Variants in ST7 observed in about 807,000 individuals in gnomAD.
The protein encoded by ST7 is suppression of tumorigenicity 7.
Under a neutral mutation model 78.7 loss-of-function variants are expected in ST7, and 28 were observed. The ratio of observed to expected loss-of-function variants is 0.36; its 90% confidence interval spans 0.26 to 0.49. ST7 has a LOEUF of 0.49. Among genes scored for constraint, ST7 ranks in the 20% least tolerant of loss-of-function variants. The pLI is 0.99. For missense variants in ST7, 418 were observed against 696.0 expected (o/e 0.60, Z 4.49); for synonymous variants, 247 against 249.6 (o/e 0.99, Z 0.10).
At chr7:117,102,675 A>T (rs1168371049) in intron 2 of ST7, among the ~76,000 whole-genome samples, 2 of 152,222 alleles carry the variant, frequency 1.3e-5, no homozygotes, top group Non-Finnish European at 2.9e-5. Flanking sequence ...ATTACATGAT[A>T]TCCAGAGAGG....
At chr7:117,136,672 T>C (rs12706144) in intron 8 of ST7, 39,688 of 194,432 alleles carry the variant, frequency 0.2, 4,475 homozygotes, top group Middle Eastern at 0.27. Context: ...GAATATAAGT[T>C]ATTGGTGATT....
At chr7:117,123,091 T>C (rs1303350634) in intron 3 of ST7, among the ~76,000 whole-genome samples, 1 of 152,158 alleles carries the variant, frequency 6.6e-6, no homozygotes, top group Non-Finnish European at 1.5e-5. Context: ...GGCCCTTTGC[T>C]GAATTGTACA....
intron 3 of ST7, among the ~76,000 whole-genome samples, chr7:117,123,707 G>C (rs906770144): frequency 6.6e-6 from 1 of 152,056 alleles, no homozygotes; most frequent in African/African-American, 2.4e-5. Flanking sequence ...ATTTAAAAGG[G>C]CCCAGTAACA....
chr7:117,138,908 A>G (rs890461082), intron 9 of ST7, among the ~76,000 whole-genome samples: 1 of 152,220 alleles, frequency 6.6e-6, no homozygotes, highest in Non-Finnish European at 1.5e-5. Flanking sequence ...GCCAATAATG[A>G]GACCAGCCAT....
intron 15 of ST7, among the ~76,000 whole-genome samples, 175 bp from the exon 16 acceptor site, chr7:117,229,587 T>C (rs1387237610): frequency 6.6e-6 from 1 of 152,228 alleles, no homozygotes; most frequent in Non-Finnish European, 1.5e-5. Flanking sequence ...GGCCAAGGAC[T>C]GGAATGCAGG....
At chr7:117,207,256 G>A (rs1241947988) in intron 12 of ST7, among the ~76,000 whole-genome samples, 1 of 151,566 alleles carries the variant, frequency 6.6e-6, no homozygotes, top group East Asian at 1.9e-4. Flanking sequence ...ACAATTCTCT[G>A]CCTTAGCCTC....
chr7:117,122,007 G>C (rs1018555232), intron 3 of ST7, among the ~76,000 whole-genome samples: 2 of 152,024 alleles, frequency 1.3e-5, no homozygotes, highest in African/African-American at 4.8e-5. Flanking sequence ...ATGCAATTTT[G>C]TAAGTGTTGC....
chr7:117,092,990 A>G (rs985081119), intron 1 of ST7, among the ~76,000 whole-genome samples: 2 of 152,160 alleles, frequency 1.3e-5, no homozygotes, highest in African/African-American at 4.8e-5. Context: ...AAGAAAAGGA[A>G]TAAACAGGAT....
chr7:117,191,426 A>G (rs1809768433), intron 12 of ST7, among the ~76,000 whole-genome samples: 1 of 152,218 alleles, frequency 6.6e-6, no homozygotes, highest in Admixed American at 6.5e-5. Context: ...GCTTTGTACC[A>G]TTTTAATAAG....
At chr7:117,009,857 G>GT (rs1368621471) in intron 1 of ST7, among the ~76,000 whole-genome samples, 1 of 152,076 alleles carries the variant, frequency 6.6e-6, no homozygotes, top group Non-Finnish European at 1.5e-5. Flanking sequence ...TGAGGCCACT[G>GT]TAAGAAGGGA....
intron 1 of ST7, among the ~76,000 whole-genome samples, chr7:117,088,129 C>G (rs1485837074): frequency 6.6e-6 from 1 of 152,104 alleles, no homozygotes; most frequent in Non-Finnish European, 1.5e-5. Flanking sequence ...CCTCTCTAAT[C>G]TCATGTTCAA....
intron 1 of ST7, among the ~76,000 whole-genome samples, chr7:116,957,682 T>A (rs975126039): frequency 6.6e-6 from 1 of 152,246 alleles, no homozygotes; most frequent in Non-Finnish European, 1.5e-5. Flanking sequence ...GGCAGAAAAT[T>A]AATTGTAGAT....
In ST7 at chr7:117,186,136, A is replaced by G. The variant is rs1218357488; in HGVS notation, c.1079-3185A>G. On this transcript the variant is annotated intron_variant, in intron 10 of 15. Coordinates refer to ENST00000323984, the MANE Select transcript of ST7 (RefSeq NM_001369598.1). ...CAAATTGCTTTTCCTTCTTCACAAT[A>G]TCACATGATTCATTCTTGCTGTAGA... 3.3e-5 allele frequency among the ~76,000 whole-genome samples: 5 copies of G among 152,160 alleles called. No individual in the cohort carries two copies. The East Asian group carries it at 9.6e-4, about 29-fold the overall frequency.
chr7:117,093,700 CAAA>C (rs1462862278), intron 1 of ST7, among the ~76,000 whole-genome samples: 2 of 151,376 alleles, frequency 1.3e-5, no homozygotes, highest in African/African-American at 4.9e-5. Context: ...GACTCCGTCT[CAAA>C]AAAACAACAA....
chr7:117,121,435 T>A (rs1346316170), intron 3 of ST7, among the ~76,000 whole-genome samples: 1 of 152,042 alleles, frequency 6.6e-6, no homozygotes, highest in East Asian at 1.9e-4. Flanking sequence ...GCTGGCAGAG[T>A]CTATTAAAAG....
intron 15 of ST7, among the ~76,000 whole-genome samples, chr7:117,229,548 C>T (rs1310253505): frequency 6.6e-6 from 1 of 152,222 alleles, no homozygotes; most frequent in Non-Finnish European, 1.5e-5. Flanking sequence ...TGTCAGCTGA[C>T]ACTTCTCCCC....
chr7:117,088,787 T>C (rs1428914200), intron 1 of ST7, among the ~76,000 whole-genome samples: 1 of 152,204 alleles, frequency 6.6e-6, no homozygotes, highest in Non-Finnish European at 1.5e-5. Context: ...TACTCCAGTA[T>C]GAAGACAAGA....
intron 1 of ST7, among the ~76,000 whole-genome samples, chr7:117,015,244 G>C (rs1173914982): frequency 6.6e-6 from 1 of 152,050 alleles, no homozygotes; most frequent in Non-Finnish European, 1.5e-5. Context: ...CATTTCAGTT[G>C]GATCATACTT....
At chr7:116,997,683 A>C (rs1192684773) in intron 1 of ST7, among the ~76,000 whole-genome samples, 1 of 152,194 alleles carries the variant, frequency 6.6e-6, no homozygotes, top group Non-Finnish European at 1.5e-5. Flanking sequence ...TGAGCTAGAC[A>C]CAGGGTGCTG....
Sources: allele counts gnomAD v4.1 joint callset (sites outside exome capture counted in the v4.1 genomes callset), GRCh38; gene constraint gnomAD v4.1.1; transcripts MANE v1.5; gene names NCBI Gene and HGNC (gene_info 2026-07-23, HGNC 2026-07-21).